SNAPC3: variants seen among roughly 807,000 people sequenced by gnomAD.
The protein encoded by SNAPC3 is snRNA-activating protein complex subunit 3.
In SNAPC3, 56 loss-of-function variants were observed where a neutral mutation model predicts 47.7. The ratio of observed to expected loss-of-function variants is 1.18; its 90% CI spans 0.95 to 1.47. The LOEUF (loss-of-function observed/expected upper bound fraction) is 1.47, where lower values mean the gene tolerates loss of function less well. SNAPC3 is among the 40% of genes most tolerant of loss of function. The pLI is 0.00. For synonymous variants in SNAPC3, 235 were observed against 189.9 expected (o/e 1.24, Z -1.95); for missense variants, 665 against 511.3 (o/e 1.30, Z -2.90).
Position 15,447,198 on chromosome 9 carries a change from G to C in SNAPC3, c.686G>C (p.Gly229Ala), listed in dbSNP as rs774279214. 1 of 1,613,942 alleles carries C rather than the reference G, an allele frequency of 6.2e-7. No homozygotes were observed. The highest frequency in any genetic ancestry group is 8.5e-7 in the Non-Finnish European group (1 of 1,179,952). ...TGTGTCAGTGACCTCCAGATTGGTG[G>C]TGAATTCAGCAACACTCCTGACCAA... ...IRCVSDLQIGGEFSNTPDQAP... is the reference protein window; with the variant it reads ...IRCVSDLQIGAEFSNTPDQAP... The change falls in exon 5 of 9, where the codon GGT becomes GCT. Residue 229 changes from glycine to alanine, a missense_variant. Transcript: ENST00000380821.
chr9:15,463,905 C>A (rs993969603), downstream of SNAPC3: 1 of 135,178 alleles, frequency 7.4e-6, no homozygotes, highest in Non-Finnish European at 1.6e-5. Flanking sequence ...ATAAATATTA[C>A]CTTTATTTTT....
At chr9:15,463,822 G>T (rs60046377), downstream of SNAPC3, 15,973 of 152,240 alleles carry the variant, frequency 0.1, 2,089 homozygotes, top group African/African-American at 0.31. Context: ...CTCTAGAATT[G>T]GAATATTCTG....
chr9:15,437,435 G>A (rs2032927380), intron 3 of SNAPC3, among the ~76,000 whole-genome samples: 1 of 152,016 alleles, frequency 6.6e-6, no homozygotes, highest in South Asian at 2.1e-4. Context: ...GTTTCACCAT[G>A]TTGGTGAAGA....
intron 5 of SNAPC3, among the ~76,000 whole-genome samples, chr9:15,449,557 ATATATATTTTTTTTTTT>A (rs1300835329): frequency 2.3e-4 from 10 of 43,444 alleles, no homozygotes; most frequent in Admixed American, 2.0e-3. Flanking sequence ...ATATATATAT[ATATATATTTTTTTTTTT>A]TTTTTTTTTT....
chr9:15,428,458 G>A (rs1008945440), intron 2 of SNAPC3, among the ~76,000 whole-genome samples: 8 of 146,198 alleles, frequency 5.5e-5, no homozygotes, highest in Non-Finnish European at 8.9e-5. Flanking sequence ...GCAGTGAGCC[G>A]AGATCACGCC....
At chr9:15,453,471 T>C (rs1355282058) in intron 7 of SNAPC3, 1 of 283,968 alleles carries the variant, frequency 3.5e-6, no homozygotes, top group African/African-American at 2.2e-5. Flanking sequence ...CTTTAAAAAG[T>C]ATCTCTATTT....
chr9:15,443,194 G>A (rs1055614250), intron 3 of SNAPC3, among the ~76,000 whole-genome samples: 4 of 152,098 alleles, frequency 2.6e-5, no homozygotes, highest in African/African-American at 9.7e-5. Context: ...TGGGGAGAGG[G>A]GGAGAGGGAG....
At chr9:15,430,486 G>C (rs1396284683) in intron 2 of SNAPC3, among the ~76,000 whole-genome samples, 1 of 151,986 alleles carries the variant, frequency 6.6e-6, no homozygotes, top group East Asian at 1.9e-4. Context: ...GAACAACAAA[G>C]TAAGTGAAAA....
chr9:15,432,005 G>C (rs182091588), intron 2 of SNAPC3: 1 of 148,854 alleles, frequency 6.7e-6, no homozygotes, highest in East Asian at 2.0e-4. Flanking sequence ...TACCAAAAGC[G>C]TATCTTGATA....
intron 5 of SNAPC3, among the ~76,000 whole-genome samples, chr9:15,449,233 C>A (rs1056470081): frequency 2.6e-5 from 4 of 152,084 alleles, no homozygotes; most frequent in African/African-American, 9.7e-5. Flanking sequence ...TGAATTTACC[C>A]TCTTCACTCC....
At chr9:15,426,151 G>A (rs1293008619) in intron 2 of SNAPC3, among the ~76,000 whole-genome samples, 2 of 152,142 alleles carry the variant, frequency 1.3e-5, no homozygotes, top group Non-Finnish European at 2.9e-5. Context: ...ACCGCACCTG[G>A]CCCGACCTTG....
At chr9:15,425,464 C>T (rs1205866403) in intron 2 of SNAPC3, among the ~76,000 whole-genome samples, 1 of 152,140 alleles carries the variant, frequency 6.6e-6, no homozygotes, top group Admixed American at 6.5e-5. Flanking sequence ...GTGATCTGCC[C>T]AACTCGTTCT....
Position 15,433,876 on chromosome 9 carries a change from C to T in SNAPC3, c.477+240C>T, listed in dbSNP as rs2032475097. The T allele has an allele frequency of 2.3e-5, 8 of 350,142 alleles. No individual in the cohort carries two copies. In the East Asian group the frequency reaches 3.1e-4, roughly 14 times the overall value. 21.7% of individuals were successfully genotyped at this position (350,142 alleles called of 1,614,324 possible). A position where few individuals can be genotyped will look rare whatever the true frequency, so the allele number is the denominator to read the frequency against. ...TTCTTGTTTGGTTTTATCTTGCTTT[C>T]GGTATTAGGCTAAATTTATGCCTTT... On this transcript the variant is annotated intron_variant, in intron 3 of 8. Coordinates refer to ENST00000380821, the MANE Select transcript of SNAPC3 (RefSeq NM_001039697.2).
In SNAPC3 at chr9:15,447,174, G is replaced by A; in HGVS notation, c.662G>A (p.Cys221Tyr). 6.2e-7 allele frequency: 1 copy of A among 1,613,974 alleles called. No individual in the cohort carries two copies. Among genetic ancestry groups the A allele is most frequent in the South Asian group, 1.1e-5 (1 of 91,084 alleles). ...ACACAACTGAGGGATTCAATTCGAT[G>A]TGTCAGTGACCTCCAGATTGGTGGT... ...KLTQLRDSIR[C>Y]VSDLQIGGEF... is the part of the protein sequence containing the mutation. The change falls in exon 5 of 9, where the codon TGT (cysteine) becomes TAT (tyrosine). Residue 221 changes from cysteine (C) to tyrosine (Y), a missense_variant. Cys to Tyr is a radical substitution (Grantham distance 194). Transcript: ENST00000380821.
chr9:15,425,076 C>T (rs1179124233), intron 2 of SNAPC3, among the ~76,000 whole-genome samples: 1 of 152,176 alleles, frequency 6.6e-6, no homozygotes, highest in Non-Finnish European at 1.5e-5. Context: ...AAATTTCAAA[C>T]TCCTTAGCTA....
chr9:15,459,407 T>C (rs1489672031), intron 8 of SNAPC3, among the ~76,000 whole-genome samples: 1 of 152,184 alleles, frequency 6.6e-6, no homozygotes, highest in East Asian at 1.9e-4. Flanking sequence ...TATTCGTACT[T>C]GGAGGATAGG....
At chr9:15,457,384 C>G (rs1443945525) in intron 7 of SNAPC3, among the ~76,000 whole-genome samples, 2 of 152,010 alleles carry the variant, frequency 1.3e-5, no homozygotes, top group Non-Finnish European at 2.9e-5. Context: ...CGCTTGAGAC[C>G]AGGAGTTTGA....
intron 2 of SNAPC3, among the ~76,000 whole-genome samples, chr9:15,431,276 C>T (rs1247531190): frequency 6.6e-6 from 1 of 152,194 alleles, no homozygotes; most frequent in Non-Finnish European, 1.5e-5. Context: ...ATAGCAACTT[C>T]TTTCTCCAGC....
In SNAPC3 at chr9:15,433,895, T is replaced by C. The variant is rs1463787557; in HGVS notation, c.477+259T>C. The stretch of plus-strand genomic sequence containing the variant: ...TGCTTTCGGTATTAGGCTAAATTTA[T>C]GCCTTTTCACTACCCTATTTCTGGT... On this transcript the variant is annotated intron_variant, in intron 3 of 8. Transcript: ENST00000380821. The C allele has an allele frequency of 3.9e-5, 11 of 278,622 alleles. No homozygotes were observed. In the East Asian group the frequency reaches 7.0e-4, roughly 18 times the overall value. 17.3% of individuals were successfully genotyped at this position (278,622 alleles called of 1,614,324 possible). A position where few individuals can be genotyped will look rare whatever the true frequency, so the allele number is the denominator to read the frequency against.
Sources: gnomAD v4.1 joint callset for allele counts (sites outside exome capture counted in the v4.1 genomes callset) on GRCh38, gnomAD v4.1.1 for gene constraint, MANE v1.5 for transcripts, NCBI Gene and HGNC (gene_info 2026-07-23, HGNC 2026-07-21) for gene names.